FILIP1: variants seen among roughly 807,000 people sequenced by gnomAD.
FILIP1 encodes the protein filamin-A-interacting protein 1.
FILIP1 carries 61 observed loss-of-function variants against 102.1 expected under a neutral mutation model. The observed-to-expected ratio is 0.60, with a 90% CI of 0.49 to 0.74. FILIP1 has a LOEUF of 0.74. Ranked by LOEUF, FILIP1 falls within the 30% of genes least tolerant of loss-of-function variation. The pLI is 0.00. For synonymous variants in FILIP1, 491 were observed against 526.9 expected, an observed-to-expected ratio of 0.93 and a Z score of 0.93; for missense variants, 1,314 against 1,441.2, an observed-to-expected ratio of 0.91 and a Z score of 1.43.
chr6:75,429,592 A>G (rs532031355), intron 1 of FILIP1, among the ~76,000 whole-genome samples: 1 of 152,152 alleles, frequency 6.6e-6, no homozygotes, highest in East Asian at 1.9e-4. Flanking sequence ...ATTTGGGGGC[A>G]CTCCTGAATG....
intron 1 of FILIP1, among the ~76,000 whole-genome samples, chr6:75,449,303 C>A (rs1158774237): frequency 3.3e-5 from 5 of 151,966 alleles, no homozygotes; most frequent in African/African-American, 7.3e-5. Flanking sequence ...AAGAATGATA[C>A]AATGGACTTT....
chr6:75,396,814 C>T (rs1776475900), intron 2 of FILIP1, among the ~76,000 whole-genome samples: 1 of 152,004 alleles, frequency 6.6e-6, no homozygotes, highest in Admixed American at 6.6e-5. Flanking sequence ...ATTAGTGTCT[C>T]CCAGTCAGGA....
At chr6:75,431,812 C>T (rs1305888797) in intron 1 of FILIP1, among the ~76,000 whole-genome samples, 2 of 152,128 alleles carry the variant, frequency 1.3e-5, no homozygotes, top group African/African-American at 2.4e-5. Flanking sequence ...GGAATATACA[C>T]AAAGACTAGT....
At position 75,347,183 on chromosome 6, in the gene FILIP1, A is replaced by G. The variant is rs181844546; in HGVS notation, c.629+6356T>C. 6.6e-5 allele frequency among the ~76,000 whole-genome samples: 10 copies of G among 152,332 alleles called. No homozygotes were observed. In the East Asian group the frequency reaches 1.9e-3, roughly 29 times the overall value. Reference sequence around the variant, plus strand: ...GAAAAGTTATTTTTTCTTACTGAAAAAAACTCAGTTCAAACCCTGATTCTG... The same window carrying G: ...GAAAAGTTATTTTTTCTTACTGAAAGAAACTCAGTTCAAACCCTGATTCTG... On this transcript the variant is annotated intron_variant, in intron 4 of 5. Coordinates refer to ENST00000237172, the MANE Select transcript of FILIP1 (RefSeq NM_015687.5).
chr6:75,489,553 T>C (rs894622653), intron 1 of FILIP1, among the ~76,000 whole-genome samples: 1 of 152,104 alleles, frequency 6.6e-6, no homozygotes, highest in Non-Finnish European at 1.5e-5. Context: ...ATAGATTTTA[T>C]AAGTCATTTA....
intron 1 of FILIP1, among the ~76,000 whole-genome samples, chr6:75,449,986 T>G (rs1194054073): frequency 6.6e-6 from 1 of 152,050 alleles, no homozygotes; most frequent in African/African-American, 2.4e-5. Context: ...CAGACTGGAG[T>G]GCGGTGGTGC....
chr6:75,352,137 C>A (rs941945270), intron 4 of FILIP1, among the ~76,000 whole-genome samples: 1 of 152,142 alleles, frequency 6.6e-6, no homozygotes, highest in Non-Finnish European at 1.5e-5. Flanking sequence ...CAAGCCTGTT[C>A]TATTTTATGC....
intron 2 of FILIP1, among the ~76,000 whole-genome samples, chr6:75,395,724 T>C (rs117735060): frequency 3.4e-4 from 52 of 152,348 alleles, no homozygotes; most frequent in Non-Finnish European, 6.2e-4. Flanking sequence ...TTCCTGAGCA[T>C]GTGATTACAA....
intron 2 of FILIP1, among the ~76,000 whole-genome samples, chr6:75,380,329 AAGGT>A (rs1562524461): frequency 2.0e-5 from 3 of 152,132 alleles, no homozygotes; most frequent in Non-Finnish European, 4.4e-5. Context: ...AAATGCCTGA[AAGGT>A]ATAAATAGAC....
exon 7 of FILIP1, chr6:75,292,704 G>T (rs187205511): frequency 2.8e-4 from 43 of 151,884 alleles, no homozygotes; most frequent in African/African-American, 9.2e-4. Flanking sequence ...TGCCAGTTGC[G>T]TTTTTTAACT....
chr6:75,429,045 T>A (rs1777729974), intron 1 of FILIP1, among the ~76,000 whole-genome samples: 1 of 152,152 alleles, frequency 6.6e-6, no homozygotes, highest in Non-Finnish European at 1.5e-5. Context: ...TCAATTGCCA[T>A]GTGTTTATTA....
intron 2 of FILIP1, among the ~76,000 whole-genome samples, chr6:75,403,387 T>C (rs577696970): frequency 6.7e-4 from 101 of 151,776 alleles, no homozygotes; most frequent in African/African-American, 2.0e-3. Context: ...TGGTGGTGCA[T>C]GCCTACAGTC....
chr6:75,436,876 T>C (rs1193669060), intron 1 of FILIP1, among the ~76,000 whole-genome samples: 1 of 152,194 alleles, frequency 6.6e-6, no homozygotes, highest in Non-Finnish European at 1.5e-5. Context: ...GCACTTCCCA[T>C]GGTGTAAATA....
chr6:75,309,457 C>G (rs1194813876), intron 5 of FILIP1, among the ~76,000 whole-genome samples: 2 of 152,178 alleles, frequency 1.3e-5, no homozygotes, highest in Non-Finnish European at 2.9e-5. Flanking sequence ...TTGCTGGCTT[C>G]TTGTTCTCTA....
chr6:75,355,697 C>T (rs1244425538), intron 3 of FILIP1, among the ~76,000 whole-genome samples: 4 of 152,204 alleles, frequency 2.6e-5, no homozygotes, highest in African/African-American at 7.2e-5. Flanking sequence ...GCCACCGCAC[C>T]TGTCCTGGCC....
At chr6:75,458,085 C>T (rs1035529879) in intron 1 of FILIP1, 41 of 152,036 alleles carry the variant, frequency 2.7e-4, no homozygotes, top group African/African-American at 9.7e-4. Context: ...TAAATATGTC[C>T]AATTAAATAC....
intron 1 of FILIP1, among the ~76,000 whole-genome samples, chr6:75,466,341 C>T (rs2703699): frequency 0.046 from 6,948 of 152,268 alleles, 539 homozygotes; most frequent in African/African-American, 0.16. Context: ...TGTTCACTTT[C>T]CTGATCAAGT....
At chr6:75,332,945 G>A (rs1374576718) in intron 4 of FILIP1, among the ~76,000 whole-genome samples, 1 of 152,168 alleles carries the variant, frequency 6.6e-6, no homozygotes, top group Non-Finnish European at 1.5e-5. Context: ...ATGGTTTTAA[G>A]CTTATACAGT....
chr6:75,436,116 T>C (rs1373262324), intron 1 of FILIP1, among the ~76,000 whole-genome samples: 1 of 152,172 alleles, frequency 6.6e-6, no homozygotes, highest in Non-Finnish European at 1.5e-5. Flanking sequence ...CTCATGCCTG[T>C]AATCCCAGCA....
Sources: allele counts gnomAD v4.1 joint callset (sites outside exome capture counted in the v4.1 genomes callset), GRCh38; gene constraint gnomAD v4.1.1; transcripts MANE v1.5; gene names NCBI Gene and HGNC (gene_info 2026-07-23, HGNC 2026-07-21).